YWHAG: variants seen among roughly 807,000 people sequenced by gnomAD.
YWHAG encodes the protein tyrosine 3-monooxygenase/tryptophan 5-monooxygenase activation protein gamma, also known as 14-3-3 protein gamma.
A neutral mutation model predicts 23.3 loss-of-function variants in YWHAG; 1 was observed. The ratio of observed to expected loss-of-function variants is 0.04; its 90% CI spans 0.02 to 0.20. The LOEUF (loss-of-function observed/expected upper bound fraction) is 0.20. YWHAG is among the 10% of genes least tolerant of loss of function. The pLI, the probability that YWHAG is intolerant of heterozygous loss-of-function variation, is 1.00. For synonymous variants in YWHAG, 160 were observed against 144.0 expected, an observed-to-expected ratio of 1.11 and a Z score of -0.80; for missense variants, 151 against 338.6, an observed-to-expected ratio of 0.45 and a Z score of 4.35.
intron 1 of YWHAG, among the ~76,000 whole-genome samples, chr7:76,335,068 A>T (rs981672274): frequency 2.6e-5 from 4 of 151,726 alleles, no homozygotes; most frequent in Non-Finnish European, 2.9e-5. Context: ...TATTTTATTT[A>T]TTTTTTTTGA....
intron 1 of YWHAG, 97 bp downstream of exon 1, chr7:76,358,625 G>T: frequency 8.0e-7 from 1 of 1,249,944 alleles, no homozygotes; most frequent in Non-Finnish European, 1.1e-6. Context: ...CGGTCAACCC[G>T]CCATCGCGAC....
intron 1 of YWHAG, among the ~76,000 whole-genome samples, chr7:76,336,859 G>C (rs568906491): frequency 2.6e-5 from 4 of 151,696 alleles, no homozygotes; most frequent in Non-Finnish European, 5.9e-5. Flanking sequence ...CACCTGAAAG[G>C]GCCAAGGGCC....
At chr7:76,332,340 G>A (rs983598414) in intron 1 of YWHAG, among the ~76,000 whole-genome samples, 5 of 152,178 alleles carry the variant, frequency 3.3e-5, no homozygotes, top group Non-Finnish European at 7.3e-5. Flanking sequence ...TGTCACTCAT[G>A]CTGAATTCTG....
intron 1 of YWHAG, among the ~76,000 whole-genome samples, chr7:76,342,524 G>A (rs1314718615): frequency 6.6e-6 from 1 of 152,086 alleles, no homozygotes; most frequent in Non-Finnish European, 1.5e-5. Flanking sequence ...ACTGCCATTC[G>A]CTGGCCTTAA....
At chr7:76,330,378 G>A in intron 1 of YWHAG, 145 bp from the exon 2 acceptor site, 2 of 897,930 alleles carry the variant, frequency 2.2e-6, no homozygotes, top group Non-Finnish European at 3.3e-6. Context: ...GAAGGGGGCT[G>A]GAGGTGGAGC....
intron 1 of YWHAG, among the ~76,000 whole-genome samples, chr7:76,344,170 G>T (rs540597791): frequency 3.5e-4 from 53 of 152,136 alleles, no homozygotes; most frequent in Non-Finnish European, 6.6e-4. Flanking sequence ...GAATGCAGTG[G>T]TGCGATATCG....
rs78294981 is a variant in YWHAG at position 76,347,572 on chromosome 7, G to A, written c.87+11150C>T. ...TTGAACTCCAGCCTGGGAAATAAGA[G>A]GGAAAATCAGTGTCAGCAAACAAAC... On this transcript the variant is annotated intron_variant, in intron 1 of 1. Coordinates refer to ENST00000307630, the MANE Select transcript of YWHAG (RefSeq NM_012479.4). Among the ~76,000 whole-genome samples, 976 of 147,850 alleles carry A rather than the reference G, an allele frequency of 6.6e-3. 2 individuals carry two copies. Among genetic ancestry groups the A allele is most frequent in the Non-Finnish European group, 9.8e-3 (663 of 67,554 alleles).
intron 1 of YWHAG, among the ~76,000 whole-genome samples, chr7:76,350,203 C>CT (rs1177005213): frequency 6.6e-6 from 1 of 152,168 alleles, no homozygotes; most frequent in Non-Finnish European, 1.5e-5. Context: ...GAGATGGGCC[C>CT]TTGCCTCAAA....
At chr7:76,339,603 A>T (rs1163210634) in intron 1 of YWHAG, among the ~76,000 whole-genome samples, 2 of 152,204 alleles carry the variant, frequency 1.3e-5, no homozygotes, top group Non-Finnish European at 2.9e-5. Flanking sequence ...CTTGGACAAC[A>T]CAGGTTTGAA....
chr7:76,329,270 T>C lies in YWHAG; in HGVS notation c.*307A>G, dbSNP rs764323565. On this transcript the variant is annotated 3_prime_UTR_variant, in exon 2 of 2. Coordinates refer to ENST00000307630, the MANE Select transcript of YWHAG (RefSeq NM_012479.4). The surrounding 1 kb of genome is among the most constrained non-coding windows in gnomAD (Gnocchi z 6.1). ...CATTCCTCTTTAAGTTTTCTTTTCA[T>C]CTGAAAACCCTATTATCTAGCAATA... is the stretch of plus-strand genomic sequence containing the variant. 3.4e-6 allele frequency: 1 copy of C among 292,550 alleles called. No individual in the cohort carries two copies. The highest frequency in any genetic ancestry group is 6.4e-6 in the Non-Finnish European group (1 of 156,664). 18.1% of individuals were successfully genotyped at this position (292,550 alleles called of 1,614,324 possible).
rs1003966503 is a variant in YWHAG at position 76,345,492 on chromosome 7, T to C, written c.87+13230A>G. 8.6e-5 allele frequency among the ~76,000 whole-genome samples: 13 copies of C among 151,496 alleles called. No homozygotes were observed. The East Asian group carries it at 1.8e-3, about 21-fold the overall frequency. On this transcript the variant is annotated intron_variant, in intron 1 of 1. Transcript: ENST00000307630. ...TGAGCCACCGTACCTGGCCAAGCCT[T>C]TCTTCCAAAAGTAGCTGCATTGATC...
intron 1 of YWHAG, among the ~76,000 whole-genome samples, chr7:76,346,183 C>G (rs939318006): frequency 3.3e-5 from 5 of 152,208 alleles, no homozygotes; most frequent in Non-Finnish European, 5.9e-5. Context: ...ACAGAGGCAT[C>G]TAACCCTGAT....
intron 1 of YWHAG, among the ~76,000 whole-genome samples, chr7:76,353,721 T>TA (rs1276999032): frequency 6.6e-6 from 1 of 152,188 alleles, no homozygotes; most frequent in African/African-American, 2.4e-5. Context: ...GGAGAGGCCA[T>TA]AAGGCAGCTG....
chr7:76,343,165 A>AT (rs1803722730), intron 1 of YWHAG, among the ~76,000 whole-genome samples: 13 of 152,170 alleles, frequency 8.5e-5, no homozygotes, highest in Admixed American at 7.9e-4. Context: ...GTTATGTGTA[A>AT]AAGCTGTTGT....
intron 1 of YWHAG, among the ~76,000 whole-genome samples, chr7:76,337,785 C>T (rs950331796): frequency 2.0e-5 from 3 of 152,190 alleles, no homozygotes; most frequent in Admixed American, 2.0e-4. Context: ...ATCCGCCCGC[C>T]TCAGCCTCCC....
At chr7:76,349,446 C>CACAG (rs1554618102) in intron 1 of YWHAG, among the ~76,000 whole-genome samples, 1,522 of 97,874 alleles carry the variant, frequency 0.016, 13 homozygotes, top group Non-Finnish European at 0.016. Flanking sequence ...CACACACAGA[C>CACAG]ACACACACAC....
rs755373678 is a variant in YWHAG at position 76,331,400 on chromosome 7, G to A, written c.88-1167C>T. On this transcript the variant is annotated intron_variant, in intron 1 of 1. Transcript: ENST00000307630. ...ATAACATTATATTACATACAGAGACGACAGGTAGGGACCTAGAATCCAAAA... is the reference window on the plus strand; with the variant it reads ...ATAACATTATATTACATACAGAGACAACAGGTAGGGACCTAGAATCCAAAA... Among the ~76,000 whole-genome samples the A allele has an allele frequency of 5.3e-5, 8 of 152,216 alleles. No individual in the cohort carries two copies. In the East Asian group the frequency reaches 1.4e-3, roughly 26 times the overall value.
intron 1 of YWHAG, among the ~76,000 whole-genome samples, chr7:76,340,190 G>A (rs1477205089): frequency 6.6e-6 from 1 of 152,124 alleles, no homozygotes; most frequent in Non-Finnish European, 1.5e-5. Flanking sequence ...ATTGTGCAAG[G>A]GGCAACTGTA....
chr7:76,330,447 G>A (rs939320176), intron 1 of YWHAG, among the ~76,000 whole-genome samples: 6 of 152,150 alleles, frequency 3.9e-5, no homozygotes, highest in African/African-American at 1.4e-4. Flanking sequence ...CTGAACCCTG[G>A]CTTCCTCCCC....
Sources: allele counts gnomAD v4.1 joint callset (sites outside exome capture counted in the v4.1 genomes callset), GRCh38; gene constraint gnomAD v4.1.1; non-coding constraint Gnocchi (gnomAD v3.1); transcripts MANE v1.5; gene names NCBI Gene and HGNC (gene_info 2026-07-23, HGNC 2026-07-21).